The following SRRM3 variants were observed in gnomAD, a reference collection of about 807,000 sequenced individuals.
The protein encoded by SRRM3 is serine/arginine repetitive matrix protein 3.
In SRRM3, 27 loss-of-function variants were observed where a neutral mutation model predicts 66.2. That is an observed-to-expected ratio of 0.41 (90% confidence interval 0.30 to 0.56). The LOEUF (loss-of-function observed/expected upper bound fraction) is 0.56. Among genes scored for constraint, SRRM3 ranks in the 20% least tolerant of loss-of-function variants. SRRM3 has a pLI of 0.32. For missense variants in SRRM3, 918 were observed against 991.9 expected (o/e 0.93, Z 1.00); for synonymous variants, 391 against 414.9 (o/e 0.94, Z 0.70).
intron 3 of SRRM3, among the ~76,000 whole-genome samples, chr7:76,255,148 C>CT (rs57880700): frequency 0.42 from 34,686 of 82,622 alleles, 8,880 homozygotes; most frequent in Non-Finnish European, 0.52. Context: ...TTCTTTCTTT[C>CT]TTTTTTTTTT....
chr7:76,274,748 GACCCCACCTCCGC>G (rs1242156440), intron 11 of SRRM3, among the ~76,000 whole-genome samples: 1 of 152,140 alleles, frequency 6.6e-6, no homozygotes, highest in East Asian at 1.9e-4. Context: ...GACCCTAGGG[GACCCCACCTCCGC>G]ACCCCTGCCC....
At position 76,267,306 on chromosome 7, in the gene SRRM3, G is replaced by T; in HGVS notation, c.879G>T (p.Arg293=). 4 of 1,554,154 alleles carry T rather than the reference G, an allele frequency of 2.6e-6. No individual in the cohort carries two copies. The highest frequency in any genetic ancestry group is 3.5e-6 in the Non-Finnish European group (4 of 1,156,158). ...AAGGGCGAAAGACGGGCAGCCAGCG[G>T]TCCAGCGGAAGCCGGTCGCCTTCCC... ...RDEGRKTGSQ[R]SSGSRSPSPS... Residue 293 remains arginine (R), a synonymous_variant, in exon 11 of 15, where the codon CGG becomes CGT. Coordinates refer to ENST00000611745, the MANE Select transcript of SRRM3 (RefSeq NM_001110199.3).
chr7:76,285,835 G>T lies in SRRM3; in HGVS notation c.1954G>T (p.Gly652Cys). The change falls in exon 15 of 15, where the codon GGC becomes TGC. Residue 652 changes from glycine to cysteine, a missense_variant. Coordinates refer to ENST00000611745, the MANE Select transcript of SRRM3 (RefSeq NM_001110199.3). The surrounding 1 kb of genome is among the most constrained non-coding windows in gnomAD (Gnocchi z 4.1). ...CAGCCGGAGCAGCTCTGAGAGCGGGGGCTTCTGAGCCCAGACAGACTCAGC... is the reference window on the plus strand; with the variant it reads ...CAGCCGGAGCAGCTCTGAGAGCGGGTGCTTCTGAGCCCAGACAGACTCAGC... ...YHSRSSSESG[G>C]F 1.3e-6 allele frequency: 2 copies of T among 1,549,368 alleles called. No individual in the cohort carries two copies.
chr7:76,262,380 C>A (rs547170619), intron 8 of SRRM3, among the ~76,000 whole-genome samples: 97 of 152,044 alleles, frequency 6.4e-4, no homozygotes, highest in African/African-American at 2.3e-3. Flanking sequence ...GTGGCAAGCG[C>A]CTGTAATCCC....
At chr7:76,282,586 C>T in intron 12 of SRRM3, 62 bp from the exon 13 acceptor site, 1 of 715,182 alleles carries the variant, frequency 1.4e-6, no homozygotes, top group Non-Finnish European at 2.0e-6. Flanking sequence ...AGGGAACCCT[C>T]CCCGCCCCCA....
intron 2 of SRRM3, among the ~76,000 whole-genome samples, chr7:76,236,391 A>G (rs1801155417): frequency 7.1e-6 from 1 of 141,184 alleles, no homozygotes; most frequent in South Asian, 2.4e-4. Flanking sequence ...GGGACTGCCC[A>G]TCAGACTTGC....
intron 8 of SRRM3, 94 bp downstream of exon 8, chr7:76,261,675 A>T: frequency 7.4e-7 from 1 of 1,358,312 alleles, no homozygotes; most frequent in Non-Finnish European, 1.0e-6. Flanking sequence ...AGGGTCCCAC[A>T]GGGCTCCATC....
intron 10 of SRRM3, 29 bp from the exon 11 acceptor site, chr7:76,267,228 TC>T: frequency 2.0e-6 from 3 of 1,490,904 alleles, no homozygotes; most frequent in Admixed American, 2.7e-5. Flanking sequence ...CCACGCCGAC[TC>T]CCCCATTCTT....
At chr7:76,209,879 T>G (rs1554601555) in intron 1 of SRRM3, among the ~76,000 whole-genome samples, 1 of 152,198 alleles carries the variant, frequency 6.6e-6, no homozygotes, top group Admixed American at 6.5e-5. Flanking sequence ...GTGCTGAGAT[T>G]ACAGGCATGA....
intron 14 of SRRM3, among the ~76,000 whole-genome samples, chr7:76,284,768 C>T (rs1802614158): frequency 6.6e-6 from 1 of 152,184 alleles, no homozygotes; most frequent in Non-Finnish European, 1.5e-5. Context: ...GCAGTGTTGC[C>T]CCTTAACCTC....
At chr7:76,265,852 ATATATATTTTTTT>A (rs1802007664) in intron 10 of SRRM3, among the ~76,000 whole-genome samples, 3 of 9,178 alleles carry the variant, frequency 3.3e-4, no homozygotes, top group Non-Finnish European at 1.4e-4. Flanking sequence ...ATATATATAT[ATATATATTTTTTT>A]TTTTTTTTTT....
chr7:76,225,640 G>C (rs182425346), intron 1 of SRRM3, among the ~76,000 whole-genome samples: 2 of 152,276 alleles, frequency 1.3e-5, no homozygotes, highest in East Asian at 3.9e-4. Context: ...CCAGTGCTCT[G>C]GGAAGCCAAG....
In SRRM3 at chr7:76,283,218, T is replaced by TGG. The variant is rs3839766; in HGVS notation, c.1733+125_1733+126dup. ...GGATCCACTGAACCTGGCACGGGGATGGGGGGGGGTGCTAAGGGACAATGA... is the reference window on the plus strand; with the variant it reads ...GGATCCACTGAACCTGGCACGGGGATGGGGGGGGGGGTGCTAAGGGACAATGA... On this transcript the variant is annotated intron_variant, in intron 14 of 14. Transcript: ENST00000611745. The TGG allele has an allele frequency of 1.8e-5, 15 of 849,240 alleles. No homozygotes were observed. In the South Asian group the frequency reaches 2.9e-4, roughly 16 times the overall value. The allele number at this position is 849,240 out of a possible 1,614,324, so 52.6% of individuals were successfully genotyped here.
At position 76,238,216 on chromosome 7, in the gene SRRM3, T is replaced by C. The variant is rs76536895; in HGVS notation, c.233+2917T>C. On this transcript the variant is annotated intron_variant, in intron 2 of 14. Transcript: ENST00000611745. The stretch of plus-strand genomic sequence containing the variant: ...CTGGAAAATAGGGGCACCTGTGTTC[T>C]GGAGCTGTTCTGAGAGTCCTCCGTT... Among the ~76,000 whole-genome samples the C allele has an allele frequency of 4.2e-3, 645 of 152,360 alleles. 4 individuals are homozygous for C. Among genetic ancestry groups the C allele is most frequent in the African/African-American group, 0.015 (624 of 41,582 alleles).
At chr7:76,271,484 AT>A (rs1802212422) in intron 11 of SRRM3, among the ~76,000 whole-genome samples, 1 of 151,910 alleles carries the variant, frequency 6.6e-6, no homozygotes, top group African/African-American at 2.4e-5. Flanking sequence ...CACTACAAAA[AT>A]TTAAAAGAAA....
intron 11 of SRRM3, among the ~76,000 whole-genome samples, chr7:76,278,237 A>G (rs1403601986): frequency 3.3e-5 from 5 of 151,994 alleles, no homozygotes; most frequent in African/African-American, 1.2e-4. Flanking sequence ...CTGTAATCCC[A>G]GCACTTTGGG....
chr7:76,222,103 A>T (rs1015532172), intron 1 of SRRM3, among the ~76,000 whole-genome samples: 1 of 152,152 alleles, frequency 6.6e-6, no homozygotes, highest in Non-Finnish European at 1.5e-5. Flanking sequence ...GTTATCCTTT[A>T]AGGGCCTGAG....
chr7:76,269,477 C>A (rs948053206), intron 11 of SRRM3: 16 of 151,532 alleles, frequency 1.1e-4, no homozygotes, highest in African/African-American at 3.9e-4. Flanking sequence ...CCAGACTTTA[C>A]CATGAACGAA....
At chr7:76,231,162 A>G (rs1397974457) in intron 1 of SRRM3, among the ~76,000 whole-genome samples, 4 of 152,136 alleles carry the variant, frequency 2.6e-5, no homozygotes, top group African/African-American at 9.7e-5. Flanking sequence ...CTTGGAAGGA[A>G]ATGGGCTTAG....
Sources: allele counts gnomAD v4.1 joint callset (sites outside exome capture counted in the v4.1 genomes callset), GRCh38; gene constraint gnomAD v4.1.1; non-coding constraint Gnocchi (gnomAD v3.1); transcripts MANE v1.5; gene names NCBI Gene and HGNC (gene_info 2026-07-23, HGNC 2026-07-21).